ORC3: variants seen among roughly 807,000 people sequenced by gnomAD.
ORC3 encodes origin recognition complex subunit 3.
Under a neutral mutation model 100.7 loss-of-function variants are expected in ORC3, and 78 were observed. The observed-to-expected ratio is 0.77, with a 90% confidence interval of 0.65 to 0.94. ORC3 has a LOEUF of 0.94. Ranked by LOEUF, ORC3 falls within the 40% of genes least tolerant of loss-of-function variation. The pLI, the probability that ORC3 is intolerant of heterozygous loss-of-function variation, is 0.00. For synonymous variants in ORC3, 295 were observed against 289.3 expected (o/e 1.02, Z -0.20); for missense variants, 789 against 823.9 (o/e 0.96, Z 0.52).
At chr6:87,656,480 C>G (rs886732996) in intron 14 of ORC3, among the ~76,000 whole-genome samples, 1 of 152,008 alleles carries the variant, frequency 6.6e-6, no homozygotes, top group Non-Finnish European at 1.5e-5. Context: ...CCCAGCTACT[C>G]CGGAGGCTGA....
chr6:87,671,562 GCAAGCAGCCCAAGGT>G (rs79347032), downstream of ORC3, among the ~76,000 whole-genome samples: 4,791 of 152,052 alleles, frequency 0.032, 99 homozygotes, highest in Middle Eastern at 0.054. Context: ...AAGAGAGGAG[GCAAGCAGCCCAAGGT>G]CAAGCTCGGG....
intron 11 of ORC3, among the ~76,000 whole-genome samples, chr6:87,625,452 A>T (rs1323488708): frequency 6.6e-6 from 1 of 152,184 alleles, no homozygotes; most frequent in Non-Finnish European, 1.5e-5. Context: ...ACCAGTGATG[A>T]TGAGCATTTT....
In ORC3 at chr6:87,606,019, C is replaced by T. The variant is rs746313408; in HGVS notation, c.425C>T (p.Pro142Leu). Residue 142 changes from proline (P) to leucine (L), a missense_variant and splice_region_variant, in exon 5 of 20, where the codon CCA becomes CTA. Physicochemically the swap from Pro to Leu is moderately conservative, Grantham distance 98. This residue lies in a region of ORC3 where 399 missense variants were observed against 382.0 expected (regional missense o/e 1.04). Coordinates refer to ENST00000392844, the MANE Select transcript of ORC3 (RefSeq NM_012381.4). ...YVVSLQAKDC[P>L]DMKHFLQKLI... ...GTCTCATTGCAAGCTAAAGATTGTC[C>T]AGGTAAAAATATAAATGCCATAATA... 6.8e-7 allele frequency: 1 copy of T among 1,473,348 alleles called. No homozygotes were observed. The highest frequency in any genetic ancestry group is 2.0e-5 in the African/African-American group (1 of 50,698). The allele number at this position is 1,473,348 out of a possible 1,614,324, so 91.3% of individuals were successfully genotyped here.
At chr6:87,653,089 C>T (rs1769402060) in intron 13 of ORC3, 27 bp from the exon 14 acceptor site, 2 of 1,541,274 alleles carry the variant, frequency 1.3e-6, no homozygotes, top group Admixed American at 3.8e-5. Context: ...AGTTATATTA[C>T]ATTTCCTGTC....
chr6:87,652,086 G>C (rs1769320442), intron 13 of ORC3, among the ~76,000 whole-genome samples: 1 of 152,104 alleles, frequency 6.6e-6, no homozygotes, highest in African/African-American at 2.4e-5. Flanking sequence ...TTTTAGTAGA[G>C]ACGAGGTTTC....
At chr6:87,658,831 A>G (rs185687656) in intron 16 of ORC3, among the ~76,000 whole-genome samples, 1 of 152,228 alleles carries the variant, frequency 6.6e-6, no homozygotes, top group Admixed American at 6.5e-5. Flanking sequence ...TTAGAAGTCT[A>G]CCAATCCAGC....
At chr6:87,646,040 G>GCAGTGGCATGAT (rs1189203138) in intron 13 of ORC3, among the ~76,000 whole-genome samples, 1 of 141,250 alleles carries the variant, frequency 7.1e-6, no homozygotes, top group Admixed American at 7.5e-5. Flanking sequence ...AGGCTGGAGT[G>GCAGTGGCATGAT]CAGTGGCATG....
rs181618757 is a variant in ORC3 at position 87,592,148 on chromosome 6, C to T, written c.24+1956C>T. ...CAGTTCCAAATGGTTAACCATGTTA[C>T]TACCACTGCCCTATATTAAGATCCT... On this transcript the variant is annotated intron_variant, in intron 1 of 19. Coordinates refer to ENST00000392844, the MANE Select transcript of ORC3 (RefSeq NM_012381.4). Among the ~76,000 whole-genome samples, 261 of 152,356 alleles carry T rather than the reference C, an allele frequency of 1.7e-3. 1 individual carries two copies. The highest frequency in any genetic ancestry group is 2.9e-3 in the Non-Finnish European group (196 of 68,038).
intron 4 of ORC3, among the ~76,000 whole-genome samples, chr6:87,605,398 C>G (rs1260470028): frequency 6.6e-6 from 1 of 152,206 alleles, no homozygotes; most frequent in African/African-American, 2.4e-5. Context: ...CGCCTGTAAT[C>G]CCAGCACGTT....
At chr6:87,605,141 G>A (rs936058934) in intron 4 of ORC3, among the ~76,000 whole-genome samples, 2 of 152,128 alleles carry the variant, frequency 1.3e-5, no homozygotes, top group African/African-American at 4.8e-5. Context: ...CAGGGATTCC[G>A]TAAATACCAA....
At chr6:87,626,603 T>C (rs1779914655) in intron 11 of ORC3, among the ~76,000 whole-genome samples, 1 of 152,140 alleles carries the variant, frequency 6.6e-6, no homozygotes, top group Non-Finnish European at 1.5e-5. Context: ...CTGGACAGCA[T>C]AGCAAAACCC....
chr6:87,659,260 C>T (rs1430353692), intron 16 of ORC3, among the ~76,000 whole-genome samples: 1 of 151,616 alleles, frequency 6.6e-6, no homozygotes, highest in Non-Finnish European at 1.5e-5. Context: ...GACGGGGTTT[C>T]ACCATGTTGG....
At chr6:87,675,508 G>T in the ORC3 span, 1 of 1,527,510 alleles carries the variant, frequency 6.5e-7, no homozygotes, top group Non-Finnish European at 9.1e-7. Context: ...TTCACAGAAG[G>T]GGTATTGGCA....
chr6:87,634,970 A>G lies in ORC3; in HGVS notation c.1302+9A>G, dbSNP rs755567890. On this transcript the variant is annotated intron_variant, in intron 12 of 19. Transcript: ENST00000392844. ...ATCCACTAGGTCGACAGGTAATCCA[A>G]GCCTCCTCATTTGTAATCCATGAAG... 7.0e-6 allele frequency: 9 copies of G among 1,280,594 alleles called. No individual in the cohort carries two copies. In the African/African-American group the frequency reaches 7.3e-5, roughly 10 times the overall value. The allele number at this position is 1,280,594 out of a possible 1,614,324, so 79.3% of individuals were successfully genotyped here.
intron 16 of ORC3, among the ~76,000 whole-genome samples, chr6:87,662,674 C>G (rs1770284598): frequency 6.6e-6 from 1 of 152,072 alleles, no homozygotes; most frequent in South Asian, 2.1e-4. Context: ...AGTATATATA[C>G]ATTTGTTCCT....
chr6:87,617,931 CTT>C (rs1019935480), intron 9 of ORC3, among the ~76,000 whole-genome samples: 31 of 152,206 alleles, frequency 2.0e-4, no homozygotes, highest in African/African-American at 7.5e-4. Context: ...CCAACTTTGA[CTT>C]TTTAAAGAGT....
chr6:87,593,822 G>A lies in ORC3; in HGVS notation c.25-531G>A, dbSNP rs550633431. Among the ~76,000 whole-genome samples, 4 of 152,240 alleles carry A rather than the reference G, an allele frequency of 2.6e-5. No homozygotes were observed. In the South Asian group the frequency reaches 6.2e-4, roughly 24 times the overall value. On this transcript the variant is annotated intron_variant, in intron 1 of 19. Transcript: ENST00000392844. ...AGTGATTCTTCTGTCTGAGCCTCCC[G>A]AGTAGCTGGGATTACAGGCTCACAC...
At chr6:87,647,963 G>A (rs548608590) in intron 13 of ORC3, among the ~76,000 whole-genome samples, 4 of 152,316 alleles carry the variant, frequency 2.6e-5, no homozygotes, top group African/African-American at 9.6e-5. Context: ...ACTTTGGGAG[G>A]CCGAGGCAGG....
chr6:87,677,001 C>T, the ORC3 span, among the ~76,000 whole-genome samples: 3 of 151,062 alleles, frequency 2.0e-5, no homozygotes, highest in East Asian at 3.9e-4. Flanking sequence ...GGCGTGAACC[C>T]GGAAAGTAGA....
Sources: allele counts gnomAD v4.1 joint callset (sites outside exome capture counted in the v4.1 genomes callset), GRCh38; gene constraint gnomAD v4.1.1; regional missense constraint gnomAD v4.1.1; transcripts MANE v1.5; gene names NCBI Gene and HGNC (gene_info 2026-07-23, HGNC 2026-07-21).